Variants in RP1 observed in about 807,000 individuals in gnomAD.
RP1 encodes oxygen-regulated protein 1.
In RP1, 16 loss-of-function variants were observed where a neutral mutation model predicts 14.8. The ratio of observed to expected loss-of-function variants is 1.08; its 90% confidence interval spans 0.73 to 1.65. The LOEUF (loss-of-function observed/expected upper bound fraction) is 1.65. RP1 is among the 40% of genes most tolerant of loss of function. RP1 has a pLI of 0.00. For synonymous variants in RP1, 876 were observed against 883.6 expected (o/e 0.99, Z 0.15); for missense variants, 2,631 against 2,535.0 (o/e 1.04, Z -0.81).
chr8:54,729,058 G>C (rs1474057678), intron 17 of RP1, among the ~76,000 whole-genome samples: 2 of 152,086 alleles, frequency 1.3e-5, no homozygotes, highest in Non-Finnish European at 2.9e-5. Context: ...CATTACTTCT[G>C]CATAATTTTA....
intron 7 of RP1, chr8:54,673,703 G>T (rs1161469321): frequency 1.6e-6 from 1 of 635,968 alleles, no homozygotes; most frequent in Non-Finnish European, 2.6e-6. Flanking sequence ...TTGTGTCATT[G>T]CACTCCAGCC....
chr8:54,830,810 AT>A (rs1811501238), intron 24 of RP1, among the ~76,000 whole-genome samples: 1 of 152,146 alleles, frequency 6.6e-6, no homozygotes, highest in Non-Finnish European at 1.5e-5. Context: ...GTTCCAAAAC[AT>A]TTTCATCATG....
chr8:54,631,615 C>T (rs1806247086), downstream of RP1, among the ~76,000 whole-genome samples: 1 of 151,292 alleles, frequency 6.6e-6, no homozygotes, highest in Non-Finnish European at 1.5e-5. Context: ...AGTAGGGTAT[C>T]ATGCCAGGAT....
chr8:54,750,250 G>T (rs185214181), intron 19 of RP1, among the ~76,000 whole-genome samples: 1 of 152,172 alleles, frequency 6.6e-6, no homozygotes, highest in Non-Finnish European at 1.5e-5. Flanking sequence ...CAATAAACAT[G>T]TGTTGAGCAC....
At chr8:54,576,655 A>G (rs1233121306) in intron 1 of RP1, among the ~76,000 whole-genome samples, 1 of 152,226 alleles carries the variant, frequency 6.6e-6, no homozygotes. Flanking sequence ...TATTCTAGAC[A>G]TGTAACAGAT....
exon 29 of RP1, chr8:54,869,991 A>T (rs143064105): frequency 2.9e-5 from 25 of 865,884 alleles, no homozygotes; most frequent in Non-Finnish European, 2.9e-5. Flanking sequence ...AAGGCTATTG[A>T]TCTGATTGTG....
chr8:54,578,608 C>A (rs1006083973), intron 1 of RP1, among the ~76,000 whole-genome samples: 3 of 152,154 alleles, frequency 2.0e-5, no homozygotes, highest in African/African-American at 7.2e-5. Context: ...CTGAATTTTA[C>A]TCTGGAAGTG....
intron 28 of RP1, among the ~76,000 whole-genome samples, chr8:54,868,538 C>T (rs561064163): frequency 2.0e-5 from 3 of 152,274 alleles, no homozygotes; most frequent in East Asian, 1.9e-4. Flanking sequence ...TAATGGCATG[C>T]ACACCTCAGA....
intron 25 of RP1, among the ~76,000 whole-genome samples, chr8:54,847,532 T>C (rs1811953747): frequency 6.6e-6 from 1 of 152,246 alleles, no homozygotes; most frequent in Non-Finnish European, 1.5e-5. Context: ...TTGTTCTGGC[T>C]GCGTTCATTT....
downstream of RP1, among the ~76,000 whole-genome samples, chr8:54,774,598 G>T (rs1267770520): frequency 6.6e-6 from 1 of 152,162 alleles, no homozygotes; most frequent in South Asian, 2.1e-4. Flanking sequence ...TGCTTCTCAT[G>T]CCCTGGCTGG....
At chr8:54,869,857 A>G (rs1812546186) in exon 29 of RP1, 1 of 1,230,636 alleles carries the variant, frequency 8.1e-7, no homozygotes, top group Non-Finnish European at 1.0e-6. Flanking sequence ...CTAGATGAGT[A>G]CCAAGATGAT....
chr8:54,661,120 A>G (rs1231873909), intron 6 of RP1, among the ~76,000 whole-genome samples: 2 of 150,368 alleles, frequency 1.3e-5, no homozygotes, highest in African/African-American at 4.9e-5. Flanking sequence ...AGCCTGGGCA[A>G]CATGGTAAAA....
At chr8:54,579,684 A>T (rs1804736018) in intron 1 of RP1, among the ~76,000 whole-genome samples, 2 of 152,202 alleles carry the variant, frequency 1.3e-5, no homozygotes, top group Non-Finnish European at 2.9e-5. Flanking sequence ...GGCAATCTAA[A>T]TGTGGTCATT....
intron 24 of RP1, among the ~76,000 whole-genome samples, chr8:54,798,894 A>G (rs927473451): frequency 3.9e-5 from 6 of 152,124 alleles, no homozygotes; most frequent in African/African-American, 1.4e-4. Context: ...TACATATTGT[A>G]TATGTAATGT....
chr8:54,794,782 A>G (rs1563378581), intron 24 of RP1, among the ~76,000 whole-genome samples: 1 of 152,076 alleles, frequency 6.6e-6, no homozygotes, highest in Non-Finnish European at 1.5e-5. Flanking sequence ...CAGCAAAATA[A>G]AAAGGCAATG....
intron 12 of RP1, among the ~76,000 whole-genome samples, chr8:54,693,408 C>A (rs1563349586): frequency 6.6e-6 from 1 of 152,130 alleles, no homozygotes; most frequent in Non-Finnish European, 1.5e-5. Flanking sequence ...ATACCTTGGA[C>A]AGTATGGCCA....
At chr8:54,611,558 A>G (rs767556336), upstream of RP1, among the ~76,000 whole-genome samples, 84 of 151,766 alleles carry the variant, frequency 5.5e-4, no homozygotes, top group Non-Finnish European at 1.1e-3. Context: ...CATATTTCCT[A>G]TCTCTAATAA....
chr8:54,670,717 G>T (rs1375727177), intron 7 of RP1, among the ~76,000 whole-genome samples: 2 of 121,676 alleles, frequency 1.6e-5, no homozygotes, highest in Admixed American at 8.5e-5. Flanking sequence ...AAAACATTAA[G>T]TCCTGGTGAA....
intron 1 of RP1, among the ~76,000 whole-genome samples, chr8:54,567,104 T>C (rs1367806112): frequency 6.6e-6 from 1 of 152,212 alleles, no homozygotes; most frequent in Non-Finnish European, 1.5e-5. Context: ...CTGATTTCAA[T>C]ACTCAAGTCA....
Sources: gnomAD v4.1 joint callset for allele counts (sites outside exome capture counted in the v4.1 genomes callset) on GRCh38, gnomAD v4.1.1 for gene constraint, MANE v1.5 for transcripts, NCBI Gene and HGNC (gene_info 2026-07-23, HGNC 2026-07-21) for gene names.